The following PCDH15 variants were observed in gnomAD, a reference collection of about 807,000 sequenced individuals.
The protein encoded by PCDH15 is protocadherin related 15.
Under a neutral mutation model 178.5 loss-of-function variants are expected in PCDH15, and 129 were observed. The observed-to-expected ratio is 0.72, with a 90% CI of 0.63 to 0.84. The LOEUF is 0.84. PCDH15 is among the 40% of genes least tolerant of loss of function. The pLI, the probability that PCDH15 is intolerant of heterozygous loss-of-function variation, is 0.00. For synonymous variants in PCDH15, 800 were observed against 732.0 expected (o/e 1.09, Z -1.50); for missense variants, 2,230 against 2,099.9 (o/e 1.06, Z -1.21).
At chr10:53,968,795 T>G (rs2089339045) in intron 21 of PCDH15, among the ~76,000 whole-genome samples, 1 of 152,184 alleles carries the variant, frequency 6.6e-6, no homozygotes, top group Admixed American at 6.5e-5. Flanking sequence ...CGGTCCTGAC[T>G]GTTAGAACGA....
At chr10:54,873,559 C>A (rs545295391) in intron 3 of PCDH15, among the ~76,000 whole-genome samples, 1 of 39,286 alleles carries the variant, frequency 2.5e-5, no homozygotes, top group Non-Finnish European at 4.9e-5. Flanking sequence ...TATACATATA[C>A]GTATGTGTGT....
chr10:54,967,108 T>C (rs912496647), intron 2 of PCDH15, among the ~76,000 whole-genome samples: 22 of 152,106 alleles, frequency 1.4e-4, no homozygotes, highest in African/African-American at 5.1e-4. Flanking sequence ...AGCTTTAGAC[T>C]TTATAAATGC....
intron 32 of PCDH15, among the ~76,000 whole-genome samples, chr10:53,825,763 GAATA>G (rs1470249572): frequency 6.7e-6 from 1 of 150,348 alleles, no homozygotes; most frequent in East Asian, 1.9e-4. Context: ...AAAAGTTCTT[GAATA>G]GATAGATAGG....
At chr10:54,296,571 A>G (rs1180740965) in intron 8 of PCDH15, among the ~76,000 whole-genome samples, 1 of 152,006 alleles carries the variant, frequency 6.6e-6, no homozygotes, top group African/African-American at 2.4e-5. Context: ...TATAAGAATG[A>G]TTTCTAGCAT....
At chr10:53,960,810 C>G (rs552264224) in intron 22 of PCDH15, among the ~76,000 whole-genome samples, 14 of 152,222 alleles carry the variant, frequency 9.2e-5, no homozygotes, top group African/African-American at 3.4e-4. Context: ...CTGATCCTTA[C>G]GTGGTTAACT....
chr10:54,965,019 C>T (rs1236838801), intron 2 of PCDH15, among the ~76,000 whole-genome samples: 5 of 152,146 alleles, frequency 3.3e-5, no homozygotes, highest in East Asian at 1.9e-4. Flanking sequence ...TGATAAATTA[C>T]ATTTTACTAG....
chr10:54,519,313 C>T (rs2082583980), intron 3 of PCDH15, among the ~76,000 whole-genome samples: 2 of 152,096 alleles, frequency 1.3e-5, no homozygotes, highest in South Asian at 4.1e-4. Flanking sequence ...TTAGAAAACC[C>T]CATTGTCTCA....
intron 2 of PCDH15, among the ~76,000 whole-genome samples, chr10:54,993,494 T>C (rs973645565): frequency 3.3e-5 from 5 of 152,148 alleles, no homozygotes; most frequent in Non-Finnish European, 5.9e-5. Context: ...CTTGTAGAAA[T>C]AGAGGGATCC....
chr10:54,192,614 T>C (rs1456028992), intron 11 of PCDH15, among the ~76,000 whole-genome samples: 1 of 152,108 alleles, frequency 6.6e-6, no homozygotes, highest in African/African-American at 2.4e-5. Flanking sequence ...ATTTCTAATA[T>C]TCTATGAGCT....
intron 3 of PCDH15, among the ~76,000 whole-genome samples, chr10:54,837,942 C>T (rs1037307751): frequency 1.3e-5 from 2 of 152,048 alleles, no homozygotes; most frequent in Non-Finnish European, 2.9e-5. Context: ...TCTGGGAAAC[C>T]GTCGTGTTAA....
intron 7 of PCDH15, among the ~76,000 whole-genome samples, chr10:54,325,610 A>G (rs971404306): frequency 6.6e-6 from 1 of 152,024 alleles, no homozygotes; most frequent in Admixed American, 6.6e-5. Flanking sequence ...TTAGCTGGGT[A>G]TGGTTGCACG....
chr10:54,323,326 A>C (rs1204108758), intron 7 of PCDH15, among the ~76,000 whole-genome samples: 1 of 152,112 alleles, frequency 6.6e-6, no homozygotes, highest in East Asian at 1.9e-4. Flanking sequence ...AGAATTTAAA[A>C]CCAAGCTACC....
chr10:54,625,717 T>C (rs137978594), intron 2 of PCDH15, among the ~76,000 whole-genome samples: 1 of 152,168 alleles, frequency 6.6e-6, no homozygotes, highest in Admixed American at 6.6e-5. Flanking sequence ...TATGTCTTTA[T>C]CAGCAGCTTG....
intron 2 of PCDH15, among the ~76,000 whole-genome samples, chr10:55,045,301 T>G (rs1840971653): frequency 6.6e-6 from 1 of 152,100 alleles, no homozygotes; most frequent in Non-Finnish European, 1.5e-5. Flanking sequence ...TGTTCTTTAT[T>G]CATTTTATCC....
chr10:54,744,019 T>C (rs1247435890), intron 1 of PCDH15, among the ~76,000 whole-genome samples: 1 of 152,144 alleles, frequency 6.6e-6, no homozygotes, highest in East Asian at 1.9e-4. Context: ...CAAGTCTAGA[T>C]GACAAAAGCC....
Position 53,840,410 on chromosome 10 carries a change from A to G in PCDH15, c.3893T>C (p.Phe1298Ser). 6.2e-7 allele frequency: 1 copy of G among 1,614,082 alleles called. No individual in the cohort carries two copies. Among genetic ancestry groups the G allele is most frequent in the Non-Finnish European group, 8.5e-7 (1 of 1,179,952 alleles). The part of the protein sequence containing the change: ...SIGARRHGDA[F>S]SLEDYTKCDL... ...ACATTTGGTGTAATCTTCTAGGGAA[A>G]AGGCATCTCCATGCCGGCGAGCTCC... is the stretch of plus-strand genomic sequence containing the variant. Residue 1298 changes from phenylalanine to serine, a missense_variant, in exon 29 of 38, where the codon TTT becomes TCT. Coordinates refer to ENST00000644397, the MANE Select transcript of PCDH15 (RefSeq NM_001384140.1).
intron 2 of PCDH15, among the ~76,000 whole-genome samples, chr10:55,118,099 G>T (rs1837671576): frequency 1.3e-5 from 2 of 152,094 alleles, no homozygotes; most frequent in Non-Finnish European, 2.9e-5. Flanking sequence ...TTCTGGAAAA[G>T]AAGGATCTGA....
At chr10:54,535,247 A>G (rs997007175) in intron 2 of PCDH15, among the ~76,000 whole-genome samples, 2 of 152,208 alleles carry the variant, frequency 1.3e-5, no homozygotes, top group Admixed American at 6.5e-5. Flanking sequence ...TAATTACTCA[A>G]CATCATTGCT....
At chr10:55,201,509 T>C (rs73265587) in intron 1 of PCDH15, among the ~76,000 whole-genome samples, 1,698 of 152,278 alleles carry the variant, frequency 0.011, 44 homozygotes, top group African/African-American at 0.038. Flanking sequence ...CTTCCCCTAA[T>C]GACTTGTACA....
Sources: gnomAD v4.1 joint callset for allele counts (sites outside exome capture counted in the v4.1 genomes callset) on GRCh38, gnomAD v4.1.1 for gene constraint, MANE v1.5 for transcripts, NCBI Gene and HGNC (gene_info 2026-07-23, HGNC 2026-07-21) for gene names.